Variants in LRRC20 observed in about 807,000 individuals in gnomAD.
LRRC20 encodes leucine rich repeat containing 20, also known as leucine-rich repeat-containing protein 20.
Under a neutral mutation model 14.4 loss-of-function variants are expected in LRRC20, and 11 were observed. The ratio of observed to expected loss-of-function variants is 0.77; its 90% CI spans 0.48 to 1.27. The LOEUF (loss-of-function observed/expected upper bound fraction) is 1.27, where lower values mean the gene tolerates loss of function less well. LRRC20 is among the 50% of genes most tolerant of loss of function. The pLI is 0.00. For synonymous variants in LRRC20, 121 were observed against 107.3 expected (o/e 1.13, Z -0.79); for missense variants, 219 against 251.2 (o/e 0.87, Z 0.87).
intron 2 of LRRC20, among the ~76,000 whole-genome samples, chr10:70,347,021 GACTAC>G (rs2137043292): frequency 6.6e-6 from 1 of 152,244 alleles, no homozygotes; most frequent in African/African-American, 2.4e-5. Context: ...AAGTAGCTGG[GACTAC>G]AGGTGCATGC....
At chr10:70,334,149 T>TA (rs71472955) in intron 3 of LRRC20, among the ~76,000 whole-genome samples, 264 of 142,672 alleles carry the variant, frequency 1.9e-3, no homozygotes, top group South Asian at 6.8e-3. Flanking sequence ...GACTCCATCT[T>TA]AAAAAAAAAA....
chr10:70,367,328 C>CAAAAAAAAAAAAAAAAAA (rs71472959), intron 2 of LRRC20, among the ~76,000 whole-genome samples: 1 of 117,372 alleles, frequency 8.5e-6, no homozygotes, highest in Non-Finnish European at 1.7e-5. Flanking sequence ...GACCCGGTCT[C>CAAAAAAAAAAAAAAAAAA]AAAAAAAAAA....
chr10:70,305,774 T>C (rs1238786042), intron 4 of LRRC20, among the ~76,000 whole-genome samples: 2 of 149,272 alleles, frequency 1.3e-5, no homozygotes, highest in Non-Finnish European at 3.0e-5. Context: ...GGAGTCTCGC[T>C]CTGTCACCCA....
chr10:70,307,385 T>C (rs1302592277), intron 4 of LRRC20, among the ~76,000 whole-genome samples: 1 of 152,226 alleles, frequency 6.6e-6, no homozygotes, highest in Non-Finnish European at 1.5e-5. Flanking sequence ...TCAATGAATA[T>C]GTGTATATAC....
Position 70,372,499 on chromosome 10 carries a change from T to C in LRRC20, c.82+3953A>G, listed in dbSNP as rs943345780. ...CTCTGTCACCCAGGCTGGAGTCCAG[T>C]GGCGCAATCTCAGCTCACTGCAGGC... is the stretch of plus-strand genomic sequence containing the variant. On this transcript the variant is annotated intron_variant, in intron 2 of 4. Transcript: ENST00000446961. 5.4e-5 allele frequency among the ~76,000 whole-genome samples: 8 copies of C among 147,716 alleles called. 1 individual carries two copies. In the East Asian group the frequency reaches 1.6e-3, roughly 30 times the overall value.
intron 4 of LRRC20, among the ~76,000 whole-genome samples, chr10:70,308,336 C>T (rs1841501564): frequency 1.3e-5 from 2 of 151,728 alleles, no homozygotes; most frequent in Admixed American, 1.3e-4. Context: ...CAGTGGGTAG[C>T]AAGGCTGACA....
intron 2 of LRRC20, among the ~76,000 whole-genome samples, chr10:70,342,516 G>C (rs1285538311): frequency 6.6e-6 from 1 of 152,114 alleles, no homozygotes; most frequent in Non-Finnish European, 1.5e-5. Flanking sequence ...TAGGGGTTCA[G>C]AAATTAGTCT....
At chr10:70,306,033 G>A (rs1269397804) in intron 4 of LRRC20, among the ~76,000 whole-genome samples, 1 of 151,988 alleles carries the variant, frequency 6.6e-6, no homozygotes, top group African/African-American at 2.4e-5. Flanking sequence ...GAGCCACTGC[G>A]CCCGACCTAG....
intron 2 of LRRC20, among the ~76,000 whole-genome samples, chr10:70,361,694 C>A (rs1843726465): frequency 6.6e-6 from 1 of 152,186 alleles, no homozygotes; most frequent in African/African-American, 2.4e-5. Flanking sequence ...GGGGCCCAGT[C>A]ATTGGCTCCC....
intron 2 of LRRC20, among the ~76,000 whole-genome samples, chr10:70,361,268 C>T (rs1904592): frequency 0.71 from 107,604 of 152,092 alleles, 38,196 homozygotes; most frequent in Non-Finnish European, 0.72. Context: ...ACTCATCAGA[C>T]AAATATTTCC....
intron 2 of LRRC20, among the ~76,000 whole-genome samples, chr10:70,342,698 C>G (rs1842959786): frequency 6.6e-6 from 1 of 152,158 alleles, no homozygotes; most frequent in African/African-American, 2.4e-5. Flanking sequence ...AATATTGTAG[C>G]AGTCCTCCCC....
At chr10:70,328,643 C>T (rs547611500) in intron 3 of LRRC20, among the ~76,000 whole-genome samples, 1 of 152,310 alleles carries the variant, frequency 6.6e-6, no homozygotes, top group East Asian at 1.9e-4. Context: ...CAAGACCAGG[C>T]GCAGTGGCTC....
At position 70,340,577 on chromosome 10, in the gene LRRC20, T is replaced by A. The variant is rs752667481; in HGVS notation, c.208A>T (p.Met70Leu). Reference protein sequence around the residue: ...NELKSLTSKFMTTFSQLRELH... With the variant: ...NELKSLTSKFLTTFSQLRELH... ...CCTCGGAGCTGACTGAATGTGGTCA[T>A]GAACTTGCTGGTGAGGGACTTAAGC... The change falls in exon 3 of 5, where the codon ATG (methionine) becomes TTG (leucine). Residue 70 changes from methionine to leucine, a missense_variant. Transcript: ENST00000446961. The A allele has an allele frequency of 6.2e-7, 1 of 1,614,066 alleles. No individual in the cohort carries two copies. The highest frequency in any genetic ancestry group is 1.3e-5 in the African/African-American group (1 of 74,932).
intron 2 of LRRC20, among the ~76,000 whole-genome samples, chr10:70,344,281 T>A (rs754170554): frequency 6.6e-6 from 1 of 152,112 alleles, no homozygotes; most frequent in Non-Finnish European, 1.5e-5. Flanking sequence ...AGCACAGACA[T>A]TGAAAACAGA....
Position 70,301,419 on chromosome 10 carries a change from CG to C in LRRC20, c.489del (p.Ile163MetfsTer74). On this transcript the variant is annotated frameshift_variant, in exon 5 of 5. Transcript: ENST00000446961. LOFTEE classifies it high-confidence loss of function. ...FNPLNAEVRVIAPPLIKFDML... is the reference protein window; with the variant it reads ...FNPLNAEVRVXAPPLIKFDML... ...ATGTCAAACTTGATGAGCGGCGGGGCGATCACGCGCACCTCGGCGTTGAGTG... is the reference window on the plus strand; with the variant it reads ...ATGTCAAACTTGATGAGCGGCGGGGCATCACGCGCACCTCGGCGTTGAGTG... 6.2e-7 allele frequency: 1 copy of C among 1,612,932 alleles called. No homozygotes were observed. Among genetic ancestry groups the C allele is most frequent in the Non-Finnish European group, 8.5e-7 (1 of 1,179,958 alleles).
chr10:70,329,655 G>A (rs765348372), intron 3 of LRRC20, among the ~76,000 whole-genome samples: 4 of 149,326 alleles, frequency 2.7e-5, no homozygotes, highest in Admixed American at 2.0e-4. Flanking sequence ...TCTGCCTCCC[G>A]GGTTCAAGCG....
At chr10:70,376,618 G>C (rs1844519975) in intron 1 of LRRC20, 22 bp from the exon 2 acceptor site, 1 of 1,325,708 alleles carries the variant, frequency 7.5e-7, no homozygotes, top group Non-Finnish European at 1.1e-6. Context: ...GCAGTGCCAT[G>C]AAGTGCCCGC....
At chr10:70,317,327 A>G (rs1228213486) in intron 4 of LRRC20, among the ~76,000 whole-genome samples, 2 of 149,252 alleles carry the variant, frequency 1.3e-5, no homozygotes, top group Non-Finnish European at 3.0e-5. Context: ...TGTTTTCACC[A>G]TGGGAGTCTC....
chr10:70,339,283 C>T (rs1330354665), intron 3 of LRRC20, among the ~76,000 whole-genome samples: 1 of 152,162 alleles, frequency 6.6e-6, no homozygotes, highest in South Asian at 2.1e-4. Context: ...GAATGCTGGT[C>T]GTCTTTGTAC....
Sources: allele counts gnomAD v4.1 joint callset (sites outside exome capture counted in the v4.1 genomes callset), GRCh38; gene constraint gnomAD v4.1.1; transcripts MANE v1.5; gene names NCBI Gene and HGNC (gene_info 2026-07-23, HGNC 2026-07-21).